Variants in IARS2 observed in about 807,000 individuals in gnomAD.
IARS2 encodes isoleucine--tRNA ligase, mitochondrial.
Under a neutral mutation model 126.3 loss-of-function variants are expected in IARS2, and 56 were observed. That is an observed-to-expected ratio of 0.44 (90% CI 0.36 to 0.55). IARS2 has a LOEUF of 0.55. Among genes scored for constraint, IARS2 ranks in the 20% least tolerant of loss-of-function variants. IARS2 has a pLI of 0.00. For synonymous variants in IARS2, 407 were observed against 441.1 expected (o/e 0.92, Z 0.97); for missense variants, 1,127 against 1,245.9 (o/e 0.90, Z 1.44).
chr1:220,108,856 C>CTTTTTTT (rs35836043), intron 10 of IARS2, among the ~76,000 whole-genome samples: 1 of 68,262 alleles, frequency 1.5e-5, no homozygotes, highest in Non-Finnish European at 2.5e-5. Context: ...TGTGAATCCT[C>CTTTTTTT]TTTTTTTTTT....
In IARS2 at chr1:220,094,301, T is replaced by C. The variant is rs1167991391; in HGVS notation, c.85T>C (p.Cys29Arg). Residue 29 changes from cysteine to arginine, a missense_variant, in exon 1 of 23, where the codon TGC (cysteine) becomes CGC (arginine). Physicochemically the swap from Cys to Arg is radical, Grantham distance 180. Coordinates refer to ENST00000366922, the MANE Select transcript of IARS2 (RefSeq NM_018060.4). ...RSLWGTPRLP[C>R]SPGWQGATKR... Reference sequence around the variant, plus strand: ...TTTGTGGGGGACGCCCCGCCTTCCCTGCAGCCCGGGATGGCAAGGGGCGAC... The same window carrying C: ...TTTGTGGGGGACGCCCCGCCTTCCCCGCAGCCCGGGATGGCAAGGGGCGAC... The C allele has an allele frequency of 1.2e-6, 2 of 1,612,030 alleles. No individual in the cohort carries two copies. The highest frequency in any genetic ancestry group is 3.3e-5 in the Admixed American group (2 of 59,916).
chr1:220,106,894 A>C (rs1342654107), intron 9 of IARS2, among the ~76,000 whole-genome samples, 167 bp from the exon 10 acceptor site: 1 of 152,130 alleles, frequency 6.6e-6, no homozygotes, highest in Admixed American at 6.5e-5. Context: ...GACCTCCCAA[A>C]GTGCTGGGAT....
At chr1:220,114,053 AT>A (rs1656865073) in intron 11 of IARS2, among the ~76,000 whole-genome samples, 1 of 152,186 alleles carries the variant, frequency 6.6e-6, no homozygotes, top group Non-Finnish European at 1.5e-5. Context: ...CTTTTGTAAC[AT>A]TGTTAAAAAA....
At chr1:220,117,184 CTTTTTTTTTTT>C (rs1192537887) in intron 12 of IARS2, among the ~76,000 whole-genome samples, 9 of 48,466 alleles carry the variant, frequency 1.9e-4, no homozygotes, top group African/African-American at 6.8e-4. Flanking sequence ...GTCTCCTCTT[CTTTTTTTTTTT>C]TTTTTTTTTT....
intron 1 of IARS2, among the ~76,000 whole-genome samples, chr1:220,094,965 C>G (rs1251150182): frequency 2.7e-5 from 4 of 150,692 alleles, no homozygotes; most frequent in Non-Finnish European, 4.5e-5. Flanking sequence ...CCCCCACCCC[C>G]CCGTCCTTAA....
At chr1:220,096,817 C>T (rs894835242) in intron 2 of IARS2, among the ~76,000 whole-genome samples, 7 of 152,020 alleles carry the variant, frequency 4.6e-5, no homozygotes, top group African/African-American at 1.4e-4. Flanking sequence ...GAGGCCGAGG[C>T]AAGCGGATCA....
At chr1:220,139,489 C>T (rs1171356100) in intron 18 of IARS2, among the ~76,000 whole-genome samples, 1 of 152,170 alleles carries the variant, frequency 6.6e-6, no homozygotes. Context: ...GAAACTCACA[C>T]CTATAAATCC....
In IARS2 at chr1:220,147,806, TAGAA is replaced by T. The variant is rs561747780; in HGVS notation, c.*176_*179del. The T allele has an allele frequency of 1.6e-4, 97 of 623,528 alleles. No homozygotes were observed. In the East Asian group the frequency reaches 2.5e-3, roughly 16 times the overall value. The allele number at this position is 623,528 out of a possible 1,614,324, so 38.6% of individuals were successfully genotyped here. On this transcript the variant is annotated 3_prime_UTR_variant, in exon 23 of 23. Coordinates refer to ENST00000366922, the MANE Select transcript of IARS2 (RefSeq NM_018060.4). ...ATAGAAGAAGTATTTCCTGTAACTA[TAGAA>T]AGAATTATGTATATATACATGCAGA...
At chr1:220,095,500 A>G (rs1034845301) in intron 1 of IARS2, among the ~76,000 whole-genome samples, 4 of 152,236 alleles carry the variant, frequency 2.6e-5, no homozygotes, top group African/African-American at 7.2e-5. Flanking sequence ...TTTTTAGTCA[A>G]TACCTTCTGT....
intron 8 of IARS2, among the ~76,000 whole-genome samples, chr1:220,104,280 A>C (rs941263155): frequency 6.6e-5 from 10 of 152,188 alleles, no homozygotes; most frequent in African/African-American, 2.4e-4. Flanking sequence ...CCTAGCCCAA[A>C]ATAATTCTTT....
chr1:220,138,023 GC>G lies in IARS2; in HGVS notation c.2157del (p.Arg720GlufsTer30). ...AATTGGCCCATCCGTGCTCAATGCT[GC>G]CAGAGATGATATTAGCAAGGTTAGA... The part of the protein sequence containing the change: ...VAIGPSVLNA[A>X]RDDISKLRNT... On this transcript the variant is annotated frameshift_variant, in exon 17 of 23. Coordinates refer to ENST00000366922, the MANE Select transcript of IARS2 (RefSeq NM_018060.4). LOFTEE classifies it high-confidence loss of function. 6.2e-7 allele frequency: 1 copy of G among 1,614,058 alleles called. No individual in the cohort carries two copies. Among genetic ancestry groups the G allele is most frequent in the Non-Finnish European group, 8.5e-7 (1 of 1,179,962 alleles).
intron 11 of IARS2, among the ~76,000 whole-genome samples, chr1:220,111,727 A>G (rs1295904167): frequency 6.6e-6 from 1 of 151,992 alleles, no homozygotes. Context: ...TTTGAAAGAT[A>G]CTACTGTATT....
intron 2 of IARS2, among the ~76,000 whole-genome samples, chr1:220,100,030 A>G (rs1042771387): frequency 6.6e-6 from 1 of 152,194 alleles, no homozygotes; most frequent in Non-Finnish European, 1.5e-5. Flanking sequence ...AGCCAAATCT[A>G]TCCTTTGCCT....
intron 22 of IARS2, among the ~76,000 whole-genome samples, chr1:220,146,181 C>T (rs1571867039): frequency 6.6e-6 from 1 of 152,218 alleles, no homozygotes; most frequent in East Asian, 1.9e-4. Flanking sequence ...TTTTAAAAGT[C>T]AGTCTGGTTC....
At chr1:220,131,583 C>G (rs1306495075) in intron 14 of IARS2, among the ~76,000 whole-genome samples, 1 of 152,010 alleles carries the variant, frequency 6.6e-6, no homozygotes, top group Non-Finnish European at 1.5e-5. Context: ...AACTCCCCAC[C>G]TCAGGCGATC....
At chr1:220,108,867 T>TC (rs999882907) in intron 10 of IARS2, among the ~76,000 whole-genome samples, 4 of 148,418 alleles carry the variant, frequency 2.7e-5, no homozygotes, top group African/African-American at 9.9e-5. Flanking sequence ...TTTTTTTTTT[T>TC]TTTTTTTTTT....
intron 14 of IARS2, among the ~76,000 whole-genome samples, chr1:220,128,965 G>A (rs949938015): frequency 1.3e-5 from 2 of 151,282 alleles, no homozygotes; most frequent in East Asian, 1.9e-4. Context: ...GCAGTGGTGC[G>A]ATCTCAGCTT....
chr1:220,099,003 G>C (rs1490416213), intron 2 of IARS2, among the ~76,000 whole-genome samples: 1 of 151,976 alleles, frequency 6.6e-6, no homozygotes, highest in Non-Finnish European at 1.5e-5. Context: ...ATCAGGTCAG[G>C]AGTTCGAGAC....
intron 11 of IARS2, 118 bp downstream of exon 11, chr1:220,111,055 A>T: frequency 1.1e-6 from 1 of 914,502 alleles, no homozygotes; most frequent in Non-Finnish European, 1.6e-6. Context: ...ATTATGATTT[A>T]GTTTCATAAC....
Sources: gnomAD v4.1 joint callset for allele counts (sites outside exome capture counted in the v4.1 genomes callset) on GRCh38, gnomAD v4.1.1 for gene constraint, MANE v1.5 for transcripts, NCBI Gene and HGNC (gene_info 2026-07-23, HGNC 2026-07-21) for gene names.